PAK5: variants seen among roughly 807,000 people sequenced by gnomAD.
PAK5 encodes serine/threonine-protein kinase PAK 5.
Under a neutral mutation model 65.9 loss-of-function variants are expected in PAK5, and 16 were observed. The observed-to-expected ratio is 0.24, with a 90% confidence interval of 0.16 to 0.37. The LOEUF is 0.37. Among genes scored for constraint, PAK5 ranks in the 10% least tolerant of loss-of-function variants. The pLI is 1.00. For synonymous variants in PAK5, 371 were observed against 354.9 expected (o/e 1.05, Z -0.51); for missense variants, 785 against 903.9 (o/e 0.87, Z 1.69).
At chr20:9,695,325 C>T (rs1186462218) in intron 2 of PAK5, among the ~76,000 whole-genome samples, 10 of 152,090 alleles carry the variant, frequency 6.6e-5, no homozygotes, top group Middle Eastern at 3.4e-3. Context: ...TTTTCCTTTT[C>T]GTGCTCAAAG....
intron 1 of PAK5, among the ~76,000 whole-genome samples, chr20:9,744,257 A>C (rs2048482345): frequency 6.6e-6 from 1 of 152,238 alleles, no homozygotes. Flanking sequence ...TACAGTGGTC[A>C]CAGGAAATTA....
chr20:9,735,227 G>A (rs537332078), intron 1 of PAK5, among the ~76,000 whole-genome samples: 1 of 152,300 alleles, frequency 6.6e-6, no homozygotes, highest in Admixed American at 6.5e-5. Flanking sequence ...GAGACAAAAG[G>A]AGCTGGAGTT....
chr20:9,578,452 TC>T (rs1177209126), intron 4 of PAK5, among the ~76,000 whole-genome samples: 2 of 152,164 alleles, frequency 1.3e-5, no homozygotes, highest in African/African-American at 4.8e-5. Flanking sequence ...ATTTCCAACA[TC>T]CAGGAAGAGC....
At chr20:9,773,569 AT>A (rs2048856583) in intron 1 of PAK5, among the ~76,000 whole-genome samples, 1 of 152,188 alleles carries the variant, frequency 6.6e-6, no homozygotes, top group Non-Finnish European at 1.5e-5. Context: ...CAAGTTACAC[AT>A]TGACTTGATG....
chr20:9,665,531 G>A (rs926642017), intron 2 of PAK5, among the ~76,000 whole-genome samples: 1 of 151,712 alleles, frequency 6.6e-6, no homozygotes, highest in Non-Finnish European at 1.5e-5. Context: ...GACCCAGACT[G>A]GAGTGCAGTG....
chr20:9,578,499 T>G (rs543183880), intron 4 of PAK5, among the ~76,000 whole-genome samples: 4 of 152,140 alleles, frequency 2.6e-5, no homozygotes, highest in African/African-American at 9.7e-5. Flanking sequence ...CAGCATCATC[T>G]GGGCAATGTT....
intron 3 of PAK5, among the ~76,000 whole-genome samples, chr20:9,598,156 G>A (rs1322234403): frequency 6.6e-6 from 1 of 152,116 alleles, no homozygotes; most frequent in Non-Finnish European, 1.5e-5. Context: ...CTATCTCCCT[G>A]TGTCCATGTT....
At chr20:9,707,154 T>C (rs1283762084) in intron 2 of PAK5, among the ~76,000 whole-genome samples, 3 of 152,014 alleles carry the variant, frequency 2.0e-5, no homozygotes, top group Admixed American at 6.5e-5. Context: ...TCTTTTGAGA[T>C]AGGGTCTTGC....
chr20:9,738,529 T>C (rs2048416564), intron 1 of PAK5, among the ~76,000 whole-genome samples: 1 of 152,114 alleles, frequency 6.6e-6, no homozygotes, highest in Admixed American at 6.6e-5. Context: ...GTATGAACCT[T>C]AGCATAATTA....
chr20:9,651,754 A>G (rs1318949769), intron 2 of PAK5, among the ~76,000 whole-genome samples: 1 of 152,124 alleles, frequency 6.6e-6, no homozygotes, highest in Non-Finnish European at 1.5e-5. Flanking sequence ...GGGGTGGGGC[A>G]CGCACAGGAT....
chr20:9,804,314 A>G (rs2049205615), intron 1 of PAK5, among the ~76,000 whole-genome samples: 1 of 152,210 alleles, frequency 6.6e-6, no homozygotes, highest in South Asian at 2.1e-4. Flanking sequence ...TCAGCCATGT[A>G]GATGCATCAA....
chr20:9,548,368 C>CTT (rs76455648), intron 7 of PAK5, among the ~76,000 whole-genome samples: 1 of 147,974 alleles, frequency 6.8e-6, no homozygotes, highest in Non-Finnish European at 1.5e-5. Flanking sequence ...TGATCACTCT[C>CTT]TTTTTTTTTT....
At chr20:9,716,440 AATAAG>A (rs2048148091) in intron 1 of PAK5, among the ~76,000 whole-genome samples, 1 of 152,228 alleles carries the variant, frequency 6.6e-6, no homozygotes, top group Non-Finnish European at 1.5e-5. Context: ...ACTGCATAAT[AATAAG>A]ATAATTCAAT....
chr20:9,557,632 G>A lies in PAK5; in HGVS notation c.1719C>T (p.Ser573=), dbSNP rs951693967. ...GVIHRDIKSD[S]ILLTSDGRIK... is the part of the protein sequence containing the mutation. ...CCCGGCCATCGCTTGTCAGGAGGAT[G>A]GAGTCACTTTTTATGTCCCTGTGAA... is the stretch of plus-strand genomic sequence containing the variant. Residue 573 remains serine (S), a synonymous_variant, in exon 7 of 10, where the codon TCC becomes TCT. Transcript: ENST00000353224. The A allele has an allele frequency of 3.7e-6, 6 of 1,611,366 alleles. No homozygotes were observed. Among genetic ancestry groups the A allele is most frequent in the Non-Finnish European group, 5.1e-6 (6 of 1,178,710 alleles).
rs984464419 is a variant in PAK5 at position 9,550,648 on chromosome 20, A to G, written c.1744-6154T>C. 4.5e-4 allele frequency among the ~76,000 whole-genome samples: 68 copies of G among 152,318 alleles called. No individual in the cohort carries two copies. The Middle Eastern group carries it at 0.01, about 23-fold the overall frequency. Reference sequence around the variant, plus strand: ...TAAATTTAATGCATTGAATTAAAATAGATATTTTTAAAAAGAATCTAGCCA... The same window carrying G: ...TAAATTTAATGCATTGAATTAAAATGGATATTTTTAAAAAGAATCTAGCCA... On this transcript the variant is annotated intron_variant, in intron 7 of 9. Coordinates refer to ENST00000353224, the MANE Select transcript of PAK5 (RefSeq NM_177990.4).
rs190403078 is a variant in PAK5, at chr20:9,793,792, G to A, written c.-162+44970C>T. ...GGCAATTCCTCAAAGATCTAGAACC[G>A]GAAATACCATTTGACCCAGAAATCC... On this transcript the variant is annotated intron_variant, in intron 1 of 9. Transcript: ENST00000353224. Among the ~76,000 whole-genome samples, 131 of 152,058 alleles carry A rather than the reference G, an allele frequency of 8.6e-4. 2 individuals carry two copies. The Middle Eastern group carries it at 0.02, about 24-fold the overall frequency.
At chr20:9,637,775 T>C (rs913100228) in intron 3 of PAK5, among the ~76,000 whole-genome samples, 1 of 152,186 alleles carries the variant, frequency 6.6e-6, no homozygotes, top group Non-Finnish European at 1.5e-5. Context: ...CTATCTAATA[T>C]TATTTGTATA....
At chr20:9,825,659 G>A (rs1204611967) in intron 1 of PAK5, among the ~76,000 whole-genome samples, 2 of 152,080 alleles carry the variant, frequency 1.3e-5, no homozygotes, top group African/African-American at 2.4e-5. Flanking sequence ...AGTTGCAGCA[G>A]CCTATTTATG....
intron 1 of PAK5, among the ~76,000 whole-genome samples, chr20:9,788,369 T>C (rs1600375267): frequency 6.6e-6 from 1 of 151,788 alleles, no homozygotes; most frequent in African/African-American, 2.4e-5. Flanking sequence ...CATACTCAAG[T>C]CATTACAGAT....
Sources: gnomAD v4.1 joint callset for allele counts (sites outside exome capture counted in the v4.1 genomes callset) on GRCh38, gnomAD v4.1.1 for gene constraint, MANE v1.5 for transcripts, NCBI Gene and HGNC (gene_info 2026-07-23, HGNC 2026-07-21) for gene names.